ZNF600: variants seen among roughly 807,000 people sequenced by gnomAD.
The protein encoded by ZNF600 is zinc finger protein KR-ZNF1.
Under a neutral mutation model 7.3 loss-of-function variants are expected in ZNF600, and 4 were observed. The ratio of observed to expected loss-of-function variants is 0.55; its 90% CI spans 0.27 to 1.25. The LOEUF is 1.25. Ranked by LOEUF, ZNF600 falls within the 50% of genes most tolerant of loss-of-function variation. The pLI, the probability that ZNF600 is intolerant of heterozygous loss-of-function variation, is 0.12. For missense variants in ZNF600, 911 were observed against 922.1 expected, an observed-to-expected ratio of 0.99 and a Z score of 0.16; for synonymous variants, 290 against 308.9, an observed-to-expected ratio of 0.94 and a Z score of 0.64.
the ZNF600 span, among the ~76,000 whole-genome samples, chr19:52,796,107 T>C: frequency 6.6e-6 from 1 of 152,148 alleles, no homozygotes; most frequent in African/African-American, 2.4e-5. Flanking sequence ...CCCAGGAGGT[T>C]GAAGCTGCAG....
chr19:52,774,743 T>C (rs1229698751), intron 2 of ZNF600, 42 bp from the exon 5 acceptor site: 72 of 985,292 alleles, frequency 7.3e-5, no homozygotes, highest in Middle Eastern at 1.0e-3. Context: ...TATGGAGGAT[T>C]GAGTTATCAC....
the ZNF600 span, among the ~76,000 whole-genome samples, chr19:52,808,641 A>C: frequency 2.6e-4 from 39 of 151,532 alleles, no homozygotes; most frequent in African/African-American, 9.2e-4. Flanking sequence ...AAAAAAAAAA[A>C]ATTAAAAAAA....
the ZNF600 span, among the ~76,000 whole-genome samples, chr19:52,816,156 C>A: frequency 2.0e-5 from 3 of 147,002 alleles, 1 homozygote; most frequent in Admixed American, 2.1e-4. Flanking sequence ...TAAGCTGCAG[C>A]TTTGCTTGGA....
At chr19:52,766,869 T>C (rs757232881) in exon 4 of ZNF600, 2 of 1,614,176 alleles carry the variant, frequency 1.2e-6, no homozygotes, top group Non-Finnish European at 1.7e-6. Flanking sequence ...CTCTCCAGTA[T>C]GAATTCTACG....
At chr19:52,769,695 T>C (rs1433155495) in intron 3 of ZNF600, among the ~76,000 whole-genome samples, 1 of 152,094 alleles carries the variant, frequency 6.6e-6, no homozygotes, top group Non-Finnish European at 1.5e-5. Context: ...CATCTCCGCA[T>C]AGAGAGAGCA....
At chr19:52,809,364 C>G in the ZNF600 span, among the ~76,000 whole-genome samples, 1 of 152,200 alleles carries the variant, frequency 6.6e-6, no homozygotes, top group Non-Finnish European at 1.5e-5. Flanking sequence ...AAAGAGCAAG[C>G]TAGCCATGTT....
chr19:52,833,186 G>A, the ZNF600 span, among the ~76,000 whole-genome samples: 1 of 152,190 alleles, frequency 6.6e-6, no homozygotes, highest in Non-Finnish European at 1.5e-5. Context: ...ATTAATGTAT[G>A]TATTTCATAT....
the ZNF600 span, chr19:52,798,096 TG>T: frequency 1.3e-5 from 2 of 156,290 alleles, no homozygotes; most frequent in East Asian, 3.8e-4. Context: ...CACTCCAACC[TG>T]GATGACAGAG....
chr19:52,787,686 A>G (rs1324308696), upstream of ZNF600, among the ~76,000 whole-genome samples: 4 of 150,828 alleles, frequency 2.7e-5, no homozygotes, highest in Admixed American at 2.6e-4. Flanking sequence ...GTGAAACCCC[A>G]TCTCTACTAA....
chr19:52,825,420 A>AT, the ZNF600 span, among the ~76,000 whole-genome samples: 1 of 152,098 alleles, frequency 6.6e-6, no homozygotes, highest in Non-Finnish European at 1.5e-5. Flanking sequence ...CACGCATGTA[A>AT]TCCCAGTACT....
rs919096179 is a variant in ZNF600, at chr19:52,776,474, G to C, written c.64-1773C>G. On this transcript the variant is annotated intron_variant, in intron 2 of 3. Transcript: ENST00000648973. ...TTGCACAGGCTAGAGTGCAGTGGCA[G>C]AATCTCAGCTCACTGCAACCTCGGC... is the stretch of plus-strand genomic sequence containing the variant. Among the ~76,000 whole-genome samples, 7 of 151,686 alleles carry C rather than the reference G, an allele frequency of 4.6e-5. No homozygotes were observed. In the East Asian group the frequency reaches 9.7e-4, roughly 21 times the overall value.
chr19:52,772,035 A>C (rs2062634049), intron 3 of ZNF600, among the ~76,000 whole-genome samples: 1 of 152,226 alleles, frequency 6.6e-6, no homozygotes, highest in Admixed American at 6.5e-5. Flanking sequence ...TGTACTATAA[A>C]ACTTATATGA....
the ZNF600 span, chr19:52,809,835 G>GAT: frequency 3.6e-6 from 2 of 559,638 alleles, no homozygotes; most frequent in East Asian, 6.4e-5. Context: ...CGGCGGCGGC[G>GAT]GCGGTGGCGG....
chr19:52,810,879 CCCT>C, the ZNF600 span, among the ~76,000 whole-genome samples: 2 of 18,256 alleles, frequency 1.1e-4, no homozygotes, highest in Non-Finnish European at 2.1e-4. Context: ...CTCCCCCTCC[CCCT>C]CCCCCTCCCC....
At chr19:52,831,030 T>C in the ZNF600 span, among the ~76,000 whole-genome samples, 1 of 152,012 alleles carries the variant, frequency 6.6e-6, no homozygotes, top group Non-Finnish European at 1.5e-5. Context: ...AGCAGCAGTA[T>C]GGTGACCTGA....
chr19:52,778,710 G>A, intron 2 of ZNF600, 116 bp downstream of exon 4: 1 of 1,383,798 alleles, frequency 7.2e-7, no homozygotes, highest in South Asian at 1.4e-5. Context: ...GCATGGCTGA[G>A]TGTGAGTGAA....
exon 4 of ZNF600, chr19:52,765,845 A>G (rs1427345513): frequency 1.2e-6 from 2 of 1,613,938 alleles, no homozygotes; most frequent in Admixed American, 3.3e-5. Flanking sequence ...CACATTTGTA[A>G]AGTTTCTCCC....
At chr19:52,827,953 T>C in the ZNF600 span, among the ~76,000 whole-genome samples, 7 of 152,282 alleles carry the variant, frequency 4.6e-5, no homozygotes, top group East Asian at 1.4e-3. Context: ...CTGGCTACTG[T>C]AATACCTGGC....
intron 1 of ZNF600, among the ~76,000 whole-genome samples, chr19:52,783,098 G>A (rs1020365298): frequency 2.8e-4 from 42 of 148,364 alleles, no homozygotes; most frequent in Non-Finnish European, 5.7e-4. Flanking sequence ...CAAGGAATGA[G>A]TCAAGTCACT....
Sources: gnomAD v4.1 joint callset for allele counts (sites outside exome capture counted in the v4.1 genomes callset) on GRCh38, gnomAD v4.1.1 for gene constraint, MANE v1.5 for transcripts, NCBI Gene and HGNC (gene_info 2026-07-23, HGNC 2026-07-21) for gene names.